The following RTL4 variants were observed in gnomAD, a reference collection of about 807,000 sequenced individuals.
RTL4 encodes retrotransposon Gag like 4.
Under a neutral mutation model 5.3 loss-of-function variants are expected in RTL4, and 4 were observed. The observed-to-expected ratio is 0.75, with a 90% CI of 0.37 to 1.72. The LOEUF (loss-of-function observed/expected upper bound fraction) is 1.72. Ranked by LOEUF, RTL4 falls within the 40% of genes most tolerant of loss-of-function variation. The pLI is 0.04. For missense variants in RTL4, 260 were observed against 227.1 expected, an observed-to-expected ratio of 1.14 and a Z score of -0.93; for synonymous variants, 98 against 87.3, an observed-to-expected ratio of 1.12 and a Z score of -0.68.
At chrX:112,112,175 G>A in the RTL4 span, among the ~76,000 whole-genome samples, 1 of 112,174 alleles carries the variant, frequency 8.9e-6, no homozygotes, top group East Asian at 2.8e-4. Context: ...TATGCCACTG[G>A]TTGTGGGGTT....
the RTL4 span, among the ~76,000 whole-genome samples, chrX:112,412,855 G>A: frequency 9.0e-6 from 1 of 110,940 alleles, no homozygotes; most frequent in Non-Finnish European, 1.9e-5. Context: ...ACGGTTAAAT[G>A]GTATCACAGT....
At chrX:112,135,165 A>G in the RTL4 span, among the ~76,000 whole-genome samples, 1 of 112,270 alleles carries the variant, frequency 8.9e-6, no homozygotes, top group Non-Finnish European at 1.9e-5. Flanking sequence ...TTACATTTCC[A>G]TCAACATTAT....
the RTL4 span, among the ~76,000 whole-genome samples, chrX:112,209,155 T>A: frequency 5.3e-5 from 6 of 112,427 alleles, no homozygotes; most frequent in African/African-American, 9.7e-5. Context: ...GGTCATCCGT[T>A]GGTGAGCACT....
At chrX:112,354,313 T>C in the RTL4 span, among the ~76,000 whole-genome samples, 1 of 111,252 alleles carries the variant, frequency 9.0e-6, no homozygotes, top group Non-Finnish European at 1.9e-5. Flanking sequence ...CTCTTTACCT[T>C]AGGTTTCTCA....
chrX:112,125,299 C>T, the RTL4 span, among the ~76,000 whole-genome samples: 1 of 111,440 alleles, frequency 9.0e-6, no homozygotes, highest in Non-Finnish European at 1.9e-5. Context: ...ATTAAGAAAT[C>T]TTTCTTTACT....
the RTL4 span, among the ~76,000 whole-genome samples, chrX:112,374,692 C>A: frequency 1.4e-4 from 16 of 112,077 alleles, no homozygotes; most frequent in East Asian, 4.2e-3. Flanking sequence ...TGTGTAGACA[C>A]CTTGCACATC....
the RTL4 span, among the ~76,000 whole-genome samples, chrX:112,283,610 C>T: frequency 9.0e-6 from 1 of 111,408 alleles, no homozygotes; most frequent in African/African-American, 3.3e-5. Context: ...CTACAGCAAG[C>T]CTACTGTCCT....
the RTL4 span, among the ~76,000 whole-genome samples, chrX:112,366,880 C>G: frequency 8.9e-6 from 1 of 111,850 alleles, no homozygotes; most frequent in Admixed American, 9.5e-5. Flanking sequence ...TCTAAGGCAG[C>G]TTTGATCAGC....
At chrX:112,370,845 C>A in the RTL4 span, among the ~76,000 whole-genome samples, 3 of 110,786 alleles carry the variant, frequency 2.7e-5, no homozygotes, top group African/African-American at 9.8e-5. Flanking sequence ...GCATTGATTT[C>A]TAATTGAGGA....
chrX:112,313,183 A>T, the RTL4 span, among the ~76,000 whole-genome samples: 2 of 111,027 alleles, frequency 1.8e-5, no homozygotes, highest in African/African-American at 6.5e-5. Context: ...TTTGGGTAGG[A>T]GTTTAGCAAT....
chrX:112,195,073 A>G, the RTL4 span, among the ~76,000 whole-genome samples: 1 of 112,143 alleles, frequency 8.9e-6, no homozygotes, highest in Non-Finnish European at 1.9e-5. Context: ...GATAATCAAC[A>G]TAGGAGTAGT....
the RTL4 span, among the ~76,000 whole-genome samples, chrX:112,387,963 C>T: frequency 5.4e-5 from 6 of 111,830 alleles, no homozygotes; most frequent in Non-Finnish European, 1.1e-4. Context: ...TGAAGAATGT[C>T]ATTAGTAGTT....
chrX:112,395,100 A>G, the RTL4 span, among the ~76,000 whole-genome samples: 1 of 112,179 alleles, frequency 8.9e-6, no homozygotes, highest in Non-Finnish European at 1.9e-5. Context: ...GGGTCAGTGT[A>G]CACTGAAGAC....
At chrX:112,454,419 G>T (rs1324779448), upstream of RTL4, 2 of 195,580 alleles carry the variant, frequency 1.0e-5, no homozygotes, top group Non-Finnish European at 9.3e-6. Flanking sequence ...AGGAGAGAAA[G>T]GTACTGTGAC....
the RTL4 span, among the ~76,000 whole-genome samples, chrX:112,214,795 G>GT: frequency 4.2e-4 from 45 of 107,720 alleles, no homozygotes; most frequent in East Asian, 5.8e-4. Flanking sequence ...TGTTTGTTTT[G>GT]TTTTTTTTTG....
the RTL4 span, among the ~76,000 whole-genome samples, chrX:112,179,669 C>T: frequency 1.4e-4 from 16 of 112,261 alleles, no homozygotes; most frequent in African/African-American, 5.2e-4. Context: ...TAACTATGAG[C>T]CAGGTGCTAT....
chrX:112,237,992 T>C, the RTL4 span, among the ~76,000 whole-genome samples: 1 of 112,243 alleles, frequency 8.9e-6, no homozygotes, highest in Non-Finnish European at 1.9e-5. Context: ...GAGAAAATCC[T>C]ATTTCACTAA....
the RTL4 span, among the ~76,000 whole-genome samples, chrX:112,099,188 G>GA: frequency 9.0e-6 from 1 of 111,571 alleles, no homozygotes; most frequent in East Asian, 2.8e-4. Flanking sequence ...AAATTTACCA[G>GA]AAAAAAACAA....
the RTL4 span, among the ~76,000 whole-genome samples, chrX:112,234,212 A>G: frequency 9.0e-6 from 1 of 110,872 alleles, no homozygotes; most frequent in Admixed American, 9.6e-5. Flanking sequence ...AATTAAATTA[A>G]ATTAAAAAAT....
Sources: allele counts gnomAD v4.1 joint callset (sites outside exome capture counted in the v4.1 genomes callset), GRCh38; gene constraint gnomAD v4.1.1; transcripts MANE v1.5; gene names NCBI Gene and HGNC (gene_info 2026-07-23, HGNC 2026-07-21).